Variants in MRPL22 observed in about 807,000 individuals in gnomAD.
MRPL22 encodes large ribosomal subunit protein uL22m.
A neutral mutation model predicts 32.4 loss-of-function variants in MRPL22; 27 were observed. The ratio of observed to expected loss-of-function variants is 0.83; its 90% CI spans 0.61 to 1.15. The LOEUF (loss-of-function observed/expected upper bound fraction) is 1.15. Ranked by LOEUF, MRPL22 falls within the 50% of genes most tolerant of loss-of-function variation. The pLI, the probability that MRPL22 is intolerant of heterozygous loss-of-function variation, is 0.00. For missense variants in MRPL22, 239 were observed against 260.2 expected (o/e 0.92, Z 0.56); for synonymous variants, 86 against 87.3 (o/e 0.99, Z 0.08).
At chr5:154,949,912 AT>A (rs1284341652) in intron 2 of MRPL22, among the ~76,000 whole-genome samples, 2 of 152,094 alleles carry the variant, frequency 1.3e-5, no homozygotes, top group Non-Finnish European at 2.9e-5. Flanking sequence ...ACCTCCCCTT[AT>A]TTCTCAACTC....
chr5:154,950,719 T>A (rs1355402963), intron 2 of MRPL22, 102 bp from the exon 3 acceptor site: 7 of 781,298 alleles, frequency 9.0e-6, no homozygotes, highest in African/African-American at 3.5e-5. Context: ...ATCCTTAAAT[T>A]GTTTTCATCA....
intron 6 of MRPL22, among the ~76,000 whole-genome samples, chr5:154,961,327 T>C (rs1764699065): frequency 6.6e-6 from 1 of 152,214 alleles, no homozygotes; most frequent in African/African-American, 2.4e-5. Flanking sequence ...TAAATAATGT[T>C]GGAGAGGTCT....
intron 2 of MRPL22, 66 bp downstream of exon 2, chr5:154,941,331 C>A: frequency 6.3e-7 from 1 of 1,598,510 alleles, no homozygotes; most frequent in Non-Finnish European, 8.5e-7. Flanking sequence ...CAGTTGGTAA[C>A]TGAGCGCCTC....
chr5:154,958,930 CAAGGA>C (rs952526451), intron 5 of MRPL22: 1 of 152,108 alleles, frequency 6.6e-6, no homozygotes, highest in Non-Finnish European at 1.5e-5. Context: ...TTAACCTCTT[CAAGGA>C]AATTATTATA....
chr5:154,963,269 A>G (rs1297420178), intron 6 of MRPL22, among the ~76,000 whole-genome samples: 1 of 152,190 alleles, frequency 6.6e-6, no homozygotes, highest in East Asian at 1.9e-4. Flanking sequence ...TAAATTCATT[A>G]CACCTATTGG....
At chr5:154,953,490 T>C (rs1356512318) in intron 3 of MRPL22, among the ~76,000 whole-genome samples, 1 of 151,816 alleles carries the variant, frequency 6.6e-6, no homozygotes, top group Non-Finnish European at 1.5e-5. Context: ...AAAAAAGCTA[T>C]GTTAAATAAA....
chr5:154,956,558 T>A (rs1764633616), intron 4 of MRPL22, 122 bp downstream of exon 4: 1 of 656,500 alleles, frequency 1.5e-6, no homozygotes, highest in Non-Finnish European at 2.6e-6. Context: ...TGTGATATAA[T>A]TGGTAGGTTG....
intron 3 of MRPL22, chr5:154,955,602 A>G (rs1410335253): frequency 1.3e-5 from 2 of 152,226 alleles, no homozygotes; most frequent in Admixed American, 6.5e-5. Context: ...TATATGTAAA[A>G]TGTTTCATCC....
intron 5 of MRPL22, among the ~76,000 whole-genome samples, chr5:154,957,494 T>A (rs561821719): frequency 1.3e-5 from 2 of 152,320 alleles, no homozygotes; most frequent in Non-Finnish European, 2.9e-5. Context: ...TTTAATGATT[T>A]GGGGCTTGGT....
chr5:154,964,943 T>G (rs188041503), intron 6 of MRPL22, among the ~76,000 whole-genome samples: 1 of 152,332 alleles, frequency 6.6e-6, no homozygotes, highest in Admixed American at 6.5e-5. Flanking sequence ...CTAGACAGGT[T>G]GATCCAGGGG....
At chr5:154,943,693 A>T (rs1179347302) in intron 2 of MRPL22, among the ~76,000 whole-genome samples, 1 of 150,944 alleles carries the variant, frequency 6.6e-6, no homozygotes. Flanking sequence ...TTTTTTTTTA[A>T]AGACAGCGTT....
At chr5:154,945,163 C>T (rs348753) in intron 2 of MRPL22, among the ~76,000 whole-genome samples, 6,803 of 152,092 alleles carry the variant, frequency 0.045, 251 homozygotes, top group African/African-American at 0.1. Context: ...AAGCAGAGAC[C>T]GTTGGCTATT....
intron 3 of MRPL22, among the ~76,000 whole-genome samples, chr5:154,954,544 C>CTT (rs1361809068): frequency 2.0e-5 from 3 of 152,150 alleles, no homozygotes; most frequent in Non-Finnish European, 4.4e-5. Context: ...CGTACTGAGA[C>CTT]TTTGTCTCGT....
chr5:154,963,372 C>T (rs926869882), intron 6 of MRPL22, among the ~76,000 whole-genome samples: 1 of 152,162 alleles, frequency 6.6e-6, no homozygotes, highest in Non-Finnish European at 1.5e-5. Flanking sequence ...TTTCTGTGTG[C>T]ATACTATCCA....
chr5:154,956,456 A>G lies in MRPL22; in HGVS notation c.261+20A>G, dbSNP rs369568236. 1.5e-4 allele frequency: 228 copies of G among 1,523,206 alleles called. 2 individuals are homozygous for G. Among genetic ancestry groups the G allele is most frequent in the Middle Eastern group, 1.4e-3 (8 of 5,878 alleles). The allele number at this position is 1,523,206 out of a possible 1,614,324, so 94.4% of individuals were successfully genotyped here. A position where few individuals can be genotyped will look rare whatever the true frequency, so the allele number is the denominator to read the frequency against. ...AAATTGGTAAGCTGCAATGACTATT[A>G]CCATATAATTAATAATTTAGGAAAG... On this transcript the variant is annotated intron_variant, in intron 4 of 6. Coordinates refer to ENST00000523037, the MANE Select transcript of MRPL22 (RefSeq NM_014180.4).
chr5:154,950,892 A>G lies in MRPL22; in HGVS notation c.149A>G (p.Lys50Arg). 1 of 1,613,900 alleles carries G rather than the reference A, an allele frequency of 6.2e-7. No homozygotes were observed. The highest frequency in any genetic ancestry group is 1.1e-5 in the South Asian group (1 of 91,084). Reference sequence around the variant, plus strand: ...TCTCGAAAATGGGAGAAGAAGAATAAAATTGTTTATCCTCCACAACTGCCT... The same window carrying G: ...TCTCGAAAATGGGAGAAGAAGAATAGAATTGTTTATCCTCCACAACTGCCT... ...DISRKWEKKN[K>R]IVYPPQLPGE... The change falls in exon 3 of 7, where the codon AAA (lysine) becomes AGA (arginine). Residue 50 changes from lysine (K) to arginine (R), a missense_variant. Transcript: ENST00000523037.
chr5:154,956,289 T>G, intron 3 of MRPL22, 82 bp from the exon 4 acceptor site: 1 of 917,848 alleles, frequency 1.1e-6, no homozygotes, highest in South Asian at 1.5e-5. Flanking sequence ...AAGTAAAAAC[T>G]TAAATAACAG....
intron 6 of MRPL22, among the ~76,000 whole-genome samples, chr5:154,964,811 A>G (rs1338672807): frequency 1.3e-5 from 2 of 152,066 alleles, no homozygotes; most frequent in South Asian, 2.1e-4. Flanking sequence ...TGATCCATTG[A>G]GTATTTGGAA....
At chr5:154,954,535 G>T (rs554035838) in intron 3 of MRPL22, among the ~76,000 whole-genome samples, 1 of 152,154 alleles carries the variant, frequency 6.6e-6, no homozygotes, top group South Asian at 2.1e-4. Flanking sequence ...TGCTTGATAC[G>T]TACTGAGACT....
Sources: allele counts gnomAD v4.1 joint callset (sites outside exome capture counted in the v4.1 genomes callset), GRCh38; gene constraint gnomAD v4.1.1; transcripts MANE v1.5; gene names NCBI Gene and HGNC (gene_info 2026-07-23, HGNC 2026-07-21).